MTMR3: variants seen among roughly 807,000 people sequenced by gnomAD.
MTMR3 encodes the protein myotubularin related protein 3, also known as phosphatidylinositol-3,5-bisphosphate 3-phosphatase MTMR3.
MTMR3 carries 32 observed loss-of-function variants against 132.4 expected under a neutral mutation model. The observed-to-expected ratio is 0.24, with a 90% CI of 0.18 to 0.32. The LOEUF (loss-of-function observed/expected upper bound fraction) is 0.32. Among genes scored for constraint, MTMR3 ranks in the 10% least tolerant of loss-of-function variants. MTMR3 has a pLI of 1.00. For missense variants in MTMR3, 1,216 were observed against 1,489.6 expected (o/e 0.82, Z 3.02); for synonymous variants, 556 against 550.3 (o/e 1.01, Z -0.14).
chr22:29,941,438 G>A (rs529739236), intron 1 of MTMR3, among the ~76,000 whole-genome samples: 1 of 152,170 alleles, frequency 6.6e-6, no homozygotes, highest in East Asian at 1.9e-4. Context: ...TAGAATTGTT[G>A]GATCATAGGA....
chr22:30,014,084 T>A (rs2067506768), intron 14 of MTMR3: 1 of 152,678 alleles, frequency 6.5e-6, no homozygotes, highest in Non-Finnish European at 1.5e-5. Context: ...TCTCTCATCT[T>A]TTTAAAACCC....
At chr22:29,904,704 G>T (rs2065062790) in intron 1 of MTMR3, among the ~76,000 whole-genome samples, 2 of 152,154 alleles carry the variant, frequency 1.3e-5, no homozygotes, top group South Asian at 4.1e-4. Context: ...TCTGTGTTAA[G>T]AGTTGAAAGA....
chr22:30,002,841 T>C, intron 8 of MTMR3, 39 bp from the exon 9 acceptor site: 1 of 1,499,600 alleles, frequency 6.7e-7, no homozygotes, highest in Non-Finnish European at 9.3e-7. Flanking sequence ...CTCCCTCTCT[T>C]ATCCCCTTGA....
At chr22:29,987,512 C>T (rs2066881840) in intron 5 of MTMR3, 1 of 152,218 alleles carries the variant, frequency 6.6e-6, no homozygotes, top group African/African-American at 2.4e-5. Context: ...ACTCCTTTTT[C>T]AAGGAGTAAA....
intron 1 of MTMR3, among the ~76,000 whole-genome samples, chr22:29,916,837 T>A (rs2065318422): frequency 1.3e-5 from 2 of 152,188 alleles, no homozygotes; most frequent in African/African-American, 4.8e-5. Context: ...AATAAATAAA[T>A]GTTTAGCCTT....
intron 1 of MTMR3, among the ~76,000 whole-genome samples, chr22:29,929,754 C>T (rs760975775): frequency 9.2e-5 from 14 of 152,110 alleles, no homozygotes; most frequent in Non-Finnish European, 2.1e-4. Flanking sequence ...CCTCTTGATC[C>T]GCCCATCTTG....
At chr22:30,006,818 C>T (rs1397381710) in intron 9 of MTMR3, 9 of 338,356 alleles carry the variant, frequency 2.7e-5, no homozygotes, top group Non-Finnish European at 4.5e-5. Context: ...GCCTCAGCCT[C>T]TCAAAGTGCT....
intron 2 of MTMR3, among the ~76,000 whole-genome samples, chr22:29,964,682 A>G (rs910215092): frequency 4.6e-5 from 7 of 152,096 alleles, no homozygotes; most frequent in African/African-American, 1.7e-4. Context: ...TCCATTCTAA[A>G]TCAAGCCACT....
intron 19 of MTMR3, chr22:30,023,314 C>A: frequency 1.3e-6 from 1 of 790,778 alleles, no homozygotes. Flanking sequence ...CATAGCTCAC[C>A]CACACGAGTG....
chr22:29,902,406 G>GTTTTT (rs534691732), intron 1 of MTMR3, among the ~76,000 whole-genome samples: 5 of 134,492 alleles, frequency 3.7e-5, no homozygotes, highest in African/African-American at 8.3e-5. Context: ...GGTTATGAAA[G>GTTTTT]TTTTTTTTTT....
At chr22:29,999,642 G>T (rs913088014) in intron 8 of MTMR3, 1 of 152,218 alleles carries the variant, frequency 6.6e-6, no homozygotes, top group African/African-American at 2.4e-5. Flanking sequence ...AAGATGCTCA[G>T]TCTGTATTAT....
chr22:29,975,714 T>G (rs2145879805), intron 3 of MTMR3, among the ~76,000 whole-genome samples: 1 of 152,352 alleles, frequency 6.6e-6, no homozygotes, highest in Middle Eastern at 3.4e-3. Flanking sequence ...CAGGTGATCC[T>G]CCCACCTCAG....
chr22:30,026,139 G>T lies in MTMR3; in HGVS notation c.*338G>T. 1 of 256,654 alleles carries T rather than the reference G, an allele frequency of 3.9e-6. No homozygotes were observed. Among genetic ancestry groups the T allele is most frequent in the East Asian group, 8.1e-5 (1 of 12,320 alleles). The allele number at this position is 256,654 out of a possible 1,614,324, so 15.9% of individuals were successfully genotyped here. A position where few individuals can be genotyped will look rare whatever the true frequency, so the allele number is the denominator to read the frequency against. ...GTCACGTGACACTGAGGGATGGCTTGTTTCTTCCGGGTGGGAGGATGGTGG... is the reference window on the plus strand; with the variant it reads ...GTCACGTGACACTGAGGGATGGCTTTTTTCTTCCGGGTGGGAGGATGGTGG... On this transcript the variant is annotated 3_prime_UTR_variant, in exon 20 of 20. Coordinates refer to ENST00000401950, the MANE Select transcript of MTMR3 (RefSeq NM_021090.4).
intron 1 of MTMR3, among the ~76,000 whole-genome samples, chr22:29,911,088 G>A (rs1240467667): frequency 1.3e-5 from 2 of 152,166 alleles, no homozygotes; most frequent in African/African-American, 4.8e-5. Context: ...CAGGCAGGAG[G>A]TCTGTCTGCA....
Position 30,020,193 on chromosome 22 carries a change from C to T in MTMR3, c.2534C>T (p.Ser845Phe), listed in dbSNP as rs768029653. 1.2e-6 allele frequency: 2 copies of T among 1,614,200 alleles called. No individual in the cohort carries two copies. Among genetic ancestry groups the T allele is most frequent in the Non-Finnish European group, 8.5e-7 (1 of 1,180,044 alleles). ...FETRGPNVDS[S>F]TDMLVEDKVK... ...ACCAGAGGACCAAACGTGGACAGTT[C>T]TACAGACATGTTAGTGGAAGATAAG... The change falls in exon 17 of 20, where the codon TCT becomes TTT. Residue 845 changes from serine (S) to phenylalanine (F), a missense_variant. Physicochemically the swap from Ser to Phe is radical, Grantham distance 155 (BLOSUM62 -2). Transcript: ENST00000401950.
intron 1 of MTMR3, among the ~76,000 whole-genome samples, chr22:29,937,654 C>A (rs2065777860): frequency 6.6e-6 from 1 of 152,112 alleles, no homozygotes; most frequent in Non-Finnish European, 1.5e-5. Flanking sequence ...ATGTATAATT[C>A]TTGAGTCTCA....
At chr22:29,887,409 C>T (rs755713122) in intron 1 of MTMR3, among the ~76,000 whole-genome samples, 45 of 152,180 alleles carry the variant, frequency 3.0e-4, no homozygotes, top group African/African-American at 7.2e-4. Flanking sequence ...GTATTAGAAT[C>T]GTATTGTATT....
chr22:29,905,688 T>C (rs1396538518), intron 1 of MTMR3, among the ~76,000 whole-genome samples: 1 of 152,258 alleles, frequency 6.6e-6, no homozygotes, highest in East Asian at 1.9e-4. Context: ...ATCTTGCCTT[T>C]AATATAATAG....
intron 7 of MTMR3, chr22:29,997,398 G>C (rs569082188): frequency 1.3e-5 from 2 of 152,186 alleles, no homozygotes; most frequent in East Asian, 3.8e-4. Context: ...TGCTTTTGTT[G>C]TTGTGGTTTC....
Sources: gnomAD v4.1 joint callset for allele counts (sites outside exome capture counted in the v4.1 genomes callset) on GRCh38, gnomAD v4.1.1 for gene constraint, MANE v1.5 for transcripts, NCBI Gene and HGNC (gene_info 2026-07-23, HGNC 2026-07-21) for gene names.